Variants in NCLN observed in about 807,000 individuals in gnomAD.
NCLN encodes BOS complex subunit NCLN.
A neutral mutation model predicts 69.5 loss-of-function variants in NCLN; 34 were observed. That is an observed-to-expected ratio of 0.49 (90% CI 0.37 to 0.65). The LOEUF (loss-of-function observed/expected upper bound fraction) is 0.65. Among genes scored for constraint, NCLN ranks in the 30% least tolerant of loss-of-function variants. The pLI is 0.00. For missense variants in NCLN, 710 were observed against 804.8 expected (o/e 0.88, Z 1.42); for synonymous variants, 393 against 358.3 (o/e 1.10, Z -1.09).
chr19:3,201,885 G>T (rs1043688614), intron 6 of NCLN, among the ~76,000 whole-genome samples: 1 of 152,150 alleles, frequency 6.6e-6, no homozygotes, highest in Non-Finnish European at 1.5e-5. Flanking sequence ...TGTTAGAGAC[G>T]CCCGGTTAAG....
intron 6 of NCLN, among the ~76,000 whole-genome samples, chr19:3,202,555 G>A (rs1916154441): frequency 6.6e-6 from 1 of 152,216 alleles, no homozygotes; most frequent in Non-Finnish European, 1.5e-5. Flanking sequence ...CAGTCATTGT[G>A]TCAGCAGCTC....
intron 1 of NCLN, among the ~76,000 whole-genome samples, chr19:3,186,480 G>A (rs1177495948): frequency 6.6e-6 from 1 of 152,166 alleles, no homozygotes; most frequent in South Asian, 2.1e-4. Flanking sequence ...CCATGGCCGG[G>A]CCAAGCGTCC....
At chr19:3,207,279 C>G in intron 13 of NCLN, 28 bp downstream of exon 13, 1 of 1,613,438 alleles carries the variant, frequency 6.2e-7, no homozygotes, top group East Asian at 2.2e-5. Context: ...GGACCTGGAG[C>G]CCTTCACCCC....
intron 5 of NCLN, among the ~76,000 whole-genome samples, chr19:3,201,312 A>G (rs1916119993): frequency 6.6e-6 from 1 of 152,146 alleles, no homozygotes; most frequent in Non-Finnish European, 1.5e-5. Flanking sequence ...GATTGAATAC[A>G]GGAGGGGAGC....
In NCLN at chr19:3,192,676, G is replaced by A. The variant is rs1484120297; in HGVS notation, c.375+16G>A. 2 of 1,516,106 alleles carry A rather than the reference G, an allele frequency of 1.3e-6. No homozygotes were observed. Among genetic ancestry groups the A allele is most frequent in the Admixed American group, 2.2e-5 (1 of 45,876 alleles). 93.9% of individuals were successfully genotyped at this position (1,516,106 alleles called of 1,614,324 possible). ...CGTCGTCCGGGTGAGCGTCTGCCCT[G>A]CCCCGCCCGGCTCAGGTCCAGAGCT... On this transcript the variant is annotated intron_variant, in intron 2 of 14. Coordinates refer to ENST00000246117, the MANE Select transcript of NCLN (RefSeq NM_020170.4).
In NCLN at chr19:3,206,279, G is replaced by T. The variant is rs1296586104; in HGVS notation, c.1353G>T (p.Gln451His). 6.5e-6 allele frequency: 10 copies of T among 1,547,496 alleles called. No homozygotes were observed. The East Asian group carries it at 2.2e-4, about 34-fold the overall frequency. The change falls in exon 12 of 15, where the codon CAG (glutamine) becomes CAT (histidine). Residue 451 changes from glutamine (Q) to histidine (H), a missense_variant. Gln to His is a conservative substitution (Grantham distance 24). Transcript: ENST00000246117. ...FTEQMQIQQE[Q>H]LDSVMDWLTN... ...CCCTACAGCAGATCCAGCAGGAGCA[G>T]CTGGACTCGGTGATGGACTGGCTCA...
At chr19:3,196,473 T>G in intron 4 of NCLN, among the ~76,000 whole-genome samples, 196 bp downstream of exon 4, 1 of 150,808 alleles carries the variant, frequency 6.6e-6, no homozygotes, top group African/African-American at 2.4e-5. Context: ...GGCCGGGGAG[T>G]CGCTCTGTGG....
chr19:3,190,979 C>G (rs1417709674), intron 1 of NCLN, among the ~76,000 whole-genome samples: 2 of 151,850 alleles, frequency 1.3e-5, no homozygotes, highest in Non-Finnish European at 2.9e-5. Flanking sequence ...CAGGGTCTTT[C>G]CAGGGCAACT....
At position 3,186,213 on chromosome 19, in the gene NCLN, C is replaced by T. The variant is rs1263146213; in HGVS notation, c.183C>T (p.Tyr61=). 3 of 1,526,762 alleles carry T rather than the reference C, an allele frequency of 2.0e-6. No individual in the cohort carries two copies. Among genetic ancestry groups the T allele is most frequent in the Non-Finnish European group, 2.6e-6 (3 of 1,139,546 alleles). 94.6% of individuals were successfully genotyped at this position (1,526,762 alleles called of 1,614,324 possible). ...MQQYDLQGQP[Y]GTRNAVLNTE... is the part of the protein sequence containing the mutation. The stretch of plus-strand genomic sequence containing the variant: ...AGTACGACCTGCAGGGCCAGCCCTA[C>T]GGTGCGTGTCCCCGGCCCACCCTCG... The change falls in exon 1 of 15, where the codon TAC becomes TAT. Residue 61 remains tyrosine (Y), a splice_region_variant and synonymous_variant. Coordinates refer to ENST00000246117, the MANE Select transcript of NCLN (RefSeq NM_020170.4).
chr19:3,201,462 G>A, intron 5 of NCLN, 61 bp from the exon 6 acceptor site: 1 of 1,239,686 alleles, frequency 8.1e-7, no homozygotes, highest in Non-Finnish European at 1.1e-6. Flanking sequence ...TGTGGGCGGA[G>A]GTCATGGGGT....
Position 3,206,180 on chromosome 19 carries a change from C to G in NCLN, c.1325C>G (p.Thr442Arg), listed in dbSNP as rs1471345279. The G allele has an allele frequency of 3.4e-6, 5 of 1,460,894 alleles. No individual in the cohort carries two copies. The highest frequency in any genetic ancestry group is 3.6e-6 in the Non-Finnish European group (4 of 1,106,356). 90.5% of individuals were successfully genotyped at this position (1,460,894 alleles called of 1,614,324 possible). Residue 442 changes from threonine to arginine, a missense_variant, in exon 11 of 15, where the codon ACA becomes AGA. Thr to Arg is a moderately conservative substitution (Grantham distance 71). Coordinates refer to ENST00000246117, the MANE Select transcript of NCLN (RefSeq NM_020170.4). The part of the protein sequence containing the change: ...KGTPPDMPVF[T>R]EQMQIQQEQL... ...ACACCCCCAGACATGCCGGTGTTCA[C>G]AGAGCAGATGGTAAGGGGGCCAGGC...
At chr19:3,197,262 G>T (rs980665786) in intron 4 of NCLN, among the ~76,000 whole-genome samples, 1 of 152,186 alleles carries the variant, frequency 6.6e-6, no homozygotes, top group East Asian at 1.9e-4. Flanking sequence ...CTTTCCCCTG[G>T]CTGTGCCCTT....
Position 3,204,011 on chromosome 19 carries a change from G to T in NCLN, c.896G>T (p.Ser299Ile). ...LEDNLDHTDS[S>I]LLQDNVAFVL... The stretch of plus-strand genomic sequence containing the variant: ...AGCTCTCGGTGTCCTGCAGACTCCA[G>T]CCTGCTTCAGGACAATGTGGCCTTC... The change falls in exon 8 of 15, where the codon AGC becomes ATC. Residue 299 changes from serine (S) to isoleucine (I), a missense_variant. Ser to Ile is a moderately radical substitution (Grantham distance 142). Transcript: ENST00000246117. The T allele has an allele frequency of 6.4e-7, 1 of 1,569,542 alleles. No homozygotes were observed. The highest frequency in any genetic ancestry group is 1.8e-5 in the Admixed American group (1 of 54,102).
intron 6 of NCLN, among the ~76,000 whole-genome samples, chr19:3,201,836 T>A (rs1258391714): frequency 4.6e-5 from 7 of 152,120 alleles, no homozygotes; most frequent in South Asian, 4.1e-4. Flanking sequence ...CAGCTGCTGC[T>A]CACCCCAGGA....
At position 3,185,995 on chromosome 19, in the gene NCLN, C is replaced by A; in HGVS notation, c.-36C>A. On this transcript the variant is annotated 5_prime_UTR_variant, in exon 1 of 15. Transcript: ENST00000246117. ...AGCCGCCGCCGCCGCCGTCCCGTCC[C>A]AGCTGCCGCCCCGCGCGGCCCCGCC... 1 of 1,470,974 alleles carries A rather than the reference C, an allele frequency of 6.8e-7. No individual in the cohort carries two copies. Among genetic ancestry groups the A allele is most frequent in the East Asian group, 3.0e-5 (1 of 33,626 alleles). 91.1% of individuals were successfully genotyped at this position (1,470,974 alleles called of 1,614,324 possible).
chr19:3,195,076 A>T (rs1365672728), intron 3 of NCLN, among the ~76,000 whole-genome samples: 1 of 150,818 alleles, frequency 6.6e-6, no homozygotes, highest in Non-Finnish European at 1.5e-5. Context: ...CAGGAGGCTG[A>T]GGTGGGAAGA....
chr19:3,194,744 CTT>C (rs745406038), intron 3 of NCLN, among the ~76,000 whole-genome samples: 5 of 136,472 alleles, frequency 3.7e-5, no homozygotes, highest in East Asian at 2.2e-4. Context: ...GAGTCGTCTT[CTT>C]TTTTTTTTTT....
intron 2 of NCLN, 26 bp from the exon 3 acceptor site, chr19:3,193,258 C>A (rs543988332): frequency 6.3e-7 from 1 of 1,595,314 alleles, no homozygotes; most frequent in Non-Finnish European, 8.5e-7. Context: ...GGCCAGCAGC[C>A]CCCTAAGTGT....
At chr19:3,201,022 G>A (rs1916112284) in intron 5 of NCLN, among the ~76,000 whole-genome samples, 1 of 152,192 alleles carries the variant, frequency 6.6e-6, no homozygotes. Flanking sequence ...TGAGAATGCT[G>A]CTTTAGATCA....
Sources: allele counts gnomAD v4.1 joint callset (sites outside exome capture counted in the v4.1 genomes callset), GRCh38; gene constraint gnomAD v4.1.1; transcripts MANE v1.5; gene names NCBI Gene and HGNC (gene_info 2026-07-23, HGNC 2026-07-21).